The following ANO10 variants were observed in gnomAD, a reference collection of about 807,000 sequenced individuals.
ANO10 encodes anoctamin 10, also known as anoctamin-10.
Under a neutral mutation model 74.7 loss-of-function variants are expected in ANO10, and 77 were observed. That is an observed-to-expected ratio of 1.03 (90% CI 0.86 to 1.25). ANO10 has a LOEUF of 1.25. ANO10 is among the 50% of genes most tolerant of loss of function. ANO10 has a pLI of 0.00. For synonymous variants in ANO10, 279 were observed against 284.9 expected (o/e 0.98, Z 0.21); for missense variants, 721 against 778.1 (o/e 0.93, Z 0.87).
chr3:43,678,181 T>C (rs985371817), intron 1 of ANO10, among the ~76,000 whole-genome samples: 14 of 152,230 alleles, frequency 9.2e-5, no homozygotes, highest in Admixed American at 4.6e-4. Flanking sequence ...ACAAGGTCTA[T>C]TTTATAATAA....
upstream of ANO10, among the ~76,000 whole-genome samples, chr3:43,623,013 G>A (rs1024353500): frequency 2.0e-5 from 3 of 152,158 alleles, no homozygotes; most frequent in Admixed American, 6.5e-5. Flanking sequence ...TTACAGGCGC[G>A]CACCATCATG....
chr3:43,637,933 T>C (rs1038399209), intron 1 of ANO10: 1 of 152,212 alleles, frequency 6.6e-6, no homozygotes. Context: ...TGAGTAATCA[T>C]AAAAATATCC....
intron 1 of ANO10, chr3:43,690,800 G>C (rs2084352596): frequency 4.2e-6 from 2 of 472,094 alleles, no homozygotes; most frequent in Non-Finnish European, 3.6e-6. Context: ...ATGCTGGCTG[G>C]GGATGGCGGA....
At chr3:43,593,645 C>G (rs2081926562) in intron 4 of ANO10, among the ~76,000 whole-genome samples, 1 of 151,610 alleles carries the variant, frequency 6.6e-6, no homozygotes, top group African/African-American at 2.4e-5. Flanking sequence ...GTACCAGCCA[C>G]TGCAAAAAAC....
At chr3:43,572,912 C>T (rs1218875270) in intron 7 of ANO10, among the ~76,000 whole-genome samples, 1 of 151,776 alleles carries the variant, frequency 6.6e-6, no homozygotes, top group Admixed American at 6.6e-5. Context: ...CCTGGGAAGG[C>T]TAAGAAACAC....
chr3:43,533,306 T>A (rs1688929111), intron 11 of ANO10, among the ~76,000 whole-genome samples: 2 of 152,344 alleles, frequency 1.3e-5, no homozygotes, highest in African/African-American at 4.8e-5. Flanking sequence ...GCCATGCCCC[T>A]GCCTCCAAGT....
intron 1 of ANO10, among the ~76,000 whole-genome samples, chr3:43,662,824 C>A (rs1210393761): frequency 6.6e-6 from 1 of 152,098 alleles, no homozygotes; most frequent in Non-Finnish European, 1.5e-5. Context: ...CACATACACC[C>A]TCCCAAGACT....
chr3:43,574,842 G>C lies in ANO10; in HGVS notation c.1185C>G (p.Ala395=). 6.2e-7 allele frequency: 1 copy of C among 1,613,946 alleles called. No individual in the cohort carries two copies. The highest frequency in any genetic ancestry group is 8.5e-7 in the Non-Finnish European group (1 of 1,179,910). The change falls in exon 7 of 13, where the codon GCC becomes GCG. Residue 395 remains alanine, a synonymous_variant. Coordinates refer to ENST00000292246, the MANE Select transcript of ANO10 (RefSeq NM_018075.5). ...CTTTCAGAATTAGATGGTTCTGATA[G>C]GCAGATTCCAATCTGTGATTCTCTA... The part of the protein sequence containing the change: ...TSWENHRLES[A]YQNHLILKVL...
At chr3:43,640,118 G>C (rs540485119) in intron 1 of ANO10, among the ~76,000 whole-genome samples, 78 of 152,154 alleles carry the variant, frequency 5.1e-4, no homozygotes, top group Non-Finnish European at 8.8e-4. Context: ...TTACTTGAAG[G>C]ATTGATATTT....
chr3:43,555,544 T>C, intron 9 of ANO10, 75 bp from the exon 10 acceptor site: 1 of 1,459,528 alleles, frequency 6.9e-7, no homozygotes, highest in Non-Finnish European at 9.4e-7. Flanking sequence ...TAATCAAAGC[T>C]GTGGCCTCTA....
intron 11 of ANO10, among the ~76,000 whole-genome samples, chr3:43,522,333 T>TA (rs565199949): frequency 1.3e-5 from 2 of 151,840 alleles, no homozygotes; most frequent in Non-Finnish European, 2.9e-5. Context: ...AAAAATACAT[T>TA]AAAAAAAAGC....
intron 11 of ANO10, among the ~76,000 whole-genome samples, chr3:43,526,540 A>AT (rs2078205311): frequency 6.6e-6 from 1 of 152,226 alleles, no homozygotes; most frequent in South Asian, 2.1e-4. Context: ...AATGTATAGT[A>AT]TAACATATAC....
chr3:43,614,561 C>T (rs1030424445), intron 1 of ANO10, among the ~76,000 whole-genome samples: 1 of 151,752 alleles, frequency 6.6e-6, no homozygotes, highest in Admixed American at 6.6e-5. Context: ...CTTTTCAAAT[C>T]AGCTGAAGCT....
chr3:43,464,557 A>G (rs1345997678), intron 11 of ANO10, among the ~76,000 whole-genome samples: 2 of 152,104 alleles, frequency 1.3e-5, no homozygotes, highest in African/African-American at 4.8e-5. Flanking sequence ...GCACATGCCT[A>G]TAGTCCCAGC....
chr3:43,671,792 G>T (rs1307563197), intron 1 of ANO10, among the ~76,000 whole-genome samples: 1 of 152,026 alleles, frequency 6.6e-6, no homozygotes, highest in Non-Finnish European at 1.5e-5. Context: ...CTGACAGAAA[G>T]ATATTCAATA....
intron 7 of ANO10, among the ~76,000 whole-genome samples, chr3:43,573,516 T>C (rs2149391551): frequency 6.6e-6 from 1 of 152,306 alleles, no homozygotes; most frequent in South Asian, 2.1e-4. Flanking sequence ...TGCATCCTTC[T>C]CTTGGGAGTA....
At chr3:43,645,443 C>G (rs1471807358) in intron 1 of ANO10, among the ~76,000 whole-genome samples, 1 of 149,748 alleles carries the variant, frequency 6.7e-6, no homozygotes, top group Admixed American at 6.7e-5. Context: ...GAGCTGAGAT[C>G]GTGCCACTGC....
intron 10 of ANO10, among the ~76,000 whole-genome samples, 162 bp downstream of exon 10, chr3:43,555,116 A>T (rs1312742912): frequency 1.3e-5 from 2 of 152,204 alleles, no homozygotes; most frequent in Non-Finnish European, 2.9e-5. Flanking sequence ...AAGCTAGACA[A>T]AGTTAATGGT....
At position 43,483,403 on chromosome 3, in the gene ANO10, A is replaced by C. The variant is rs1255752322; in HGVS notation, c.1798-50676T>G. The stretch of plus-strand genomic sequence containing the variant: ...AAATGGTATCTCATCAGAGGAGCCA[A>C]GCTGCTAGAAATAGACTCAAAAGTA... On this transcript the variant is annotated intron_variant, in intron 11 of 12. Coordinates refer to ENST00000292246, the MANE Select transcript of ANO10 (RefSeq NM_018075.5). Among the ~76,000 whole-genome samples, 3 of 152,296 alleles carry C rather than the reference A, an allele frequency of 2.0e-5. No homozygotes were observed. The South Asian group carries it at 6.2e-4, about 32-fold the overall frequency.
Sources: allele counts gnomAD v4.1 joint callset (sites outside exome capture counted in the v4.1 genomes callset), GRCh38; gene constraint gnomAD v4.1.1; transcripts MANE v1.5; gene names NCBI Gene and HGNC (gene_info 2026-07-23, HGNC 2026-07-21).